CDH13: variants seen among roughly 807,000 people sequenced by gnomAD.
CDH13 encodes cadherin-13.
CDH13 carries 24 observed loss-of-function variants against 63.8 expected under a neutral mutation model. That is an observed-to-expected ratio of 0.38 (90% CI 0.27 to 0.53). The LOEUF is 0.53. Among genes scored for constraint, CDH13 ranks in the 20% least tolerant of loss-of-function variants. CDH13 has a pLI of 0.85. For synonymous variants in CDH13, 503 were observed against 355.3 expected, an observed-to-expected ratio of 1.42 and a Z score of -4.67; for missense variants, 1,049 against 903.1, an observed-to-expected ratio of 1.16 and a Z score of -2.07.
chr16:83,431,361 G>A (rs1567668056), intron 6 of CDH13, among the ~76,000 whole-genome samples: 1 of 151,790 alleles, frequency 6.6e-6, no homozygotes, highest in South Asian at 2.1e-4. Context: ...TACGATCCTG[G>A]TCCTATCTCC....
intron 3 of CDH13, among the ~76,000 whole-genome samples, chr16:83,078,136 C>T (rs2151556089): frequency 6.6e-6 from 1 of 152,280 alleles, no homozygotes; most frequent in African/African-American, 2.4e-5. Context: ...GTTCGGGGGT[C>T]AACATCGGCA....
At chr16:83,715,297 A>T (rs767822574) in intron 10 of CDH13, among the ~76,000 whole-genome samples, 1 of 152,200 alleles carries the variant, frequency 6.6e-6, no homozygotes, top group African/African-American at 2.4e-5. Flanking sequence ...TTACTTGATC[A>T]GGGTTTGGAT....
intron 1 of CDH13, among the ~76,000 whole-genome samples, chr16:82,732,047 C>T (rs2033432092): frequency 6.6e-6 from 1 of 152,150 alleles, no homozygotes; most frequent in African/African-American, 2.4e-5. Context: ...CTTCTTTGAT[C>T]CCTTCAGTAC....
intron 1 of CDH13, among the ~76,000 whole-genome samples, chr16:82,793,413 A>G (rs900355797): frequency 2.0e-5 from 3 of 151,748 alleles, no homozygotes; most frequent in African/African-American, 7.3e-5. Flanking sequence ...CTCCTGTCCA[A>G]ATGAAAAAGC....
At chr16:82,975,081 T>A (rs1341348697) in intron 2 of CDH13, among the ~76,000 whole-genome samples, 1 of 152,216 alleles carries the variant, frequency 6.6e-6, no homozygotes, top group African/African-American at 2.4e-5. Flanking sequence ...TCTTTCTGAT[T>A]TCTTTCAGTC....
chr16:82,630,841 T>A (rs1381933022), intron 1 of CDH13, among the ~76,000 whole-genome samples: 1 of 151,892 alleles, frequency 6.6e-6, no homozygotes, highest in Non-Finnish European at 1.5e-5. Context: ...CGCGTCTGAG[T>A]GAGTGTGTAC....
intron 3 of CDH13, among the ~76,000 whole-genome samples, chr16:83,051,444 C>A (rs893494794): frequency 2.0e-5 from 3 of 152,170 alleles, no homozygotes; most frequent in Non-Finnish European, 4.4e-5. Context: ...TTTAGCCAAA[C>A]AAATGCTAGA....
At chr16:83,091,413 T>C (rs545787551) in intron 3 of CDH13, among the ~76,000 whole-genome samples, 1 of 152,338 alleles carries the variant, frequency 6.6e-6, no homozygotes, top group African/African-American at 2.4e-5. Flanking sequence ...TCATGAGATG[T>C]TGCCATTCTC....
At chr16:82,935,311 C>A (rs2042633722) in intron 2 of CDH13, among the ~76,000 whole-genome samples, 1 of 152,112 alleles carries the variant, frequency 6.6e-6, no homozygotes, top group Admixed American at 6.6e-5. Flanking sequence ...GGGAAGGCTC[C>A]CATGACCTAA....
At chr16:83,453,207 G>T (rs775079305) in intron 6 of CDH13, among the ~76,000 whole-genome samples, 2 of 152,018 alleles carry the variant, frequency 1.3e-5, no homozygotes, top group Non-Finnish European at 2.9e-5. Flanking sequence ...GGATTTTGGG[G>T]ATTCGGGGGA....
At chr16:82,983,709 G>T (rs566943155) in intron 2 of CDH13, among the ~76,000 whole-genome samples, 47 of 152,304 alleles carry the variant, frequency 3.1e-4, no homozygotes, top group Admixed American at 7.8e-4. Flanking sequence ...GTATGAGAGA[G>T]ATTGTGCATA....
At chr16:82,982,719 T>C (rs187852682) in intron 2 of CDH13, among the ~76,000 whole-genome samples, 191 of 152,326 alleles carry the variant, frequency 1.3e-3, no homozygotes, top group Non-Finnish European at 2.2e-3. Context: ...GTGGCTGCAC[T>C]CCACACAAAT....
At chr16:82,932,355 G>A (rs1023640894) in intron 2 of CDH13, among the ~76,000 whole-genome samples, 3 of 152,082 alleles carry the variant, frequency 2.0e-5, no homozygotes, top group African/African-American at 7.2e-5. Flanking sequence ...TCCCATTTTT[G>A]TAATGTTTAG....
At chr16:82,632,967 C>T (rs1474504499) in intron 1 of CDH13, among the ~76,000 whole-genome samples, 2 of 152,154 alleles carry the variant, frequency 1.3e-5, no homozygotes, top group Admixed American at 1.3e-4. Context: ...ACACAGGATT[C>T]CAACTCCTAT....
chr16:82,700,361 G>A (rs1423610989), intron 1 of CDH13, among the ~76,000 whole-genome samples: 3 of 152,304 alleles, frequency 2.0e-5, no homozygotes, highest in African/African-American at 7.2e-5. Flanking sequence ...TGCGTAAAAC[G>A]TGACCAACGT....
chr16:83,105,707 A>T (rs531271240), intron 3 of CDH13, among the ~76,000 whole-genome samples: 66 of 152,354 alleles, frequency 4.3e-4, no homozygotes, highest in African/African-American at 1.5e-3. Context: ...GACCTGGCAG[A>T]TGAAACCAGA....
intron 6 of CDH13, among the ~76,000 whole-genome samples, chr16:83,470,882 C>T (rs1049839824): frequency 2.6e-5 from 4 of 152,148 alleles, no homozygotes; most frequent in Non-Finnish European, 5.9e-5. Flanking sequence ...AAATCGGTCT[C>T]ATTGGGTTAA....
intron 6 of CDH13, among the ~76,000 whole-genome samples, chr16:83,475,433 TG>T: frequency 6.6e-6 from 1 of 152,222 alleles, no homozygotes; most frequent in Non-Finnish European, 1.5e-5. Flanking sequence ...AGCTGCCACT[TG>T]GAGAGAGGAT....
chr16:83,174,739 T>C (rs2038058336), intron 4 of CDH13, among the ~76,000 whole-genome samples: 1 of 152,150 alleles, frequency 6.6e-6, no homozygotes, highest in South Asian at 2.1e-4. Flanking sequence ...AAAGGTTTCC[T>C]TGACTCACAT....
Sources: allele counts gnomAD v4.1 joint callset (sites outside exome capture counted in the v4.1 genomes callset), GRCh38; gene constraint gnomAD v4.1.1; transcripts MANE v1.5; gene names NCBI Gene and HGNC (gene_info 2026-07-23, HGNC 2026-07-21).